The following CLYBL variants were observed in gnomAD, a reference collection of about 807,000 sequenced individuals.
CLYBL encodes the protein citramalyl-CoA lyase, mitochondrial.
CLYBL carries 31 observed loss-of-function variants against 38.9 expected under a neutral mutation model. The observed-to-expected ratio is 0.80, with a 90% confidence interval of 0.60 to 1.08. The LOEUF is 1.08. Among genes scored for constraint, CLYBL ranks in the 50% least tolerant of loss-of-function variants. The pLI, the probability that CLYBL is intolerant of heterozygous loss-of-function variation, is 0.00. For missense variants in CLYBL, 434 were observed against 411.6 expected, an observed-to-expected ratio of 1.05 and a Z score of -0.47; for synonymous variants, 171 against 158.6, an observed-to-expected ratio of 1.08 and a Z score of -0.59.
At chr13:99,770,080 C>CTTTTTTTT (rs3033589) in intron 1 of CLYBL, among the ~76,000 whole-genome samples, 3 of 103,186 alleles carry the variant, frequency 2.9e-5, no homozygotes, top group South Asian at 6.1e-4. Context: ...TCTTTTCTTT[C>CTTTTTTTT]TTTTTTTTTT....
chr13:99,713,722 T>C (rs1364709699), intron 1 of CLYBL, among the ~76,000 whole-genome samples: 4 of 145,610 alleles, frequency 2.7e-5, no homozygotes, highest in Middle Eastern at 4.2e-3. Flanking sequence ...CTTGCTCTGT[T>C]GCCCAGGCTG....
At chr13:99,812,785 A>G (rs1334143823) in intron 2 of CLYBL, among the ~76,000 whole-genome samples, 2 of 152,174 alleles carry the variant, frequency 1.3e-5, no homozygotes, top group African/African-American at 2.4e-5. Flanking sequence ...AACTACTCAG[A>G]TCCTTGGGTG....
intron 7 of CLYBL, among the ~76,000 whole-genome samples, chr13:99,890,776 T>A (rs2052469836): frequency 6.6e-6 from 1 of 152,106 alleles, no homozygotes; most frequent in Non-Finnish European, 1.5e-5. Context: ...CCGTCCCTGG[T>A]CACTCTAATC....
intron 1 of CLYBL, among the ~76,000 whole-genome samples, chr13:99,741,860 T>A (rs1255256412): frequency 6.6e-6 from 1 of 152,236 alleles, no homozygotes; most frequent in East Asian, 1.9e-4. Context: ...AGCTTTTTTT[T>A]AATGTTTAGT....
chr13:99,740,013 A>G (rs866726942), intron 1 of CLYBL, among the ~76,000 whole-genome samples: 1 of 152,208 alleles, frequency 6.6e-6, no homozygotes, highest in South Asian at 2.1e-4. Flanking sequence ...GTATTTGTAA[A>G]AACCTGAACA....
intron 7 of CLYBL, among the ~76,000 whole-genome samples, chr13:99,885,412 A>G (rs912287): frequency 0.86 from 130,784 of 152,112 alleles, 56,551 homozygotes; most frequent in African/African-American, 0.93. Context: ...GCAGGAGATG[A>G]GGCTGAGGGG....
chr13:99,866,123 G>A (rs752170924), intron 5 of CLYBL, 117 bp from the exon 6 acceptor site: 29 of 990,816 alleles, frequency 2.9e-5, no homozygotes, highest in African/African-American at 5.0e-5. Context: ...TTTATTTTGC[G>A]GAGGAGCAAT....
Position 99,881,589 on chromosome 13 carries a change from ATTTTT to A in CLYBL, c.928-9716_928-9712del, listed in dbSNP as rs1017589977. 2.9e-5 allele frequency among the ~76,000 whole-genome samples: 4 copies of A among 136,254 alleles called. No individual in the cohort carries two copies. The Admixed American group carries it at 3.0e-4, about 10-fold the overall frequency. 89.4% of individuals were successfully genotyped at this position (136,254 alleles called of 152,430 possible). On this transcript the variant is annotated intron_variant, in intron 7 of 8. Coordinates refer to ENST00000339105, the MANE Select transcript of CLYBL (RefSeq NM_206808.5). ...AGGTGCGTGTCACCACATCCAGTTA[ATTTTT>A]TTTTTTTTTTTTGGAAAAGACAGAG...
chr13:99,886,940 C>G lies in CLYBL; in HGVS notation c.928-4378C>G, dbSNP rs367720085. On this transcript the variant is annotated intron_variant, in intron 7 of 8. Transcript: ENST00000339105. ...CAGGGCCTGGCACAAGGGAGCTGCTCGGTCCATACTTGATGGATGAATGGA... is the reference window on the plus strand; with the variant it reads ...CAGGGCCTGGCACAAGGGAGCTGCTGGGTCCATACTTGATGGATGAATGGA... 1.1e-4 allele frequency among the ~76,000 whole-genome samples: 16 copies of G among 152,278 alleles called. No individual in the cohort carries two copies. In the East Asian group the frequency reaches 2.3e-3, roughly 22 times the overall value.
At chr13:99,622,317 A>G (rs1273536157) in intron 1 of CLYBL, among the ~76,000 whole-genome samples, 1 of 152,238 alleles carries the variant, frequency 6.6e-6, no homozygotes, top group East Asian at 1.9e-4. Context: ...ATTATTCTGC[A>G]TACCCATCCA....
chr13:99,789,773 G>T (rs1465309648), intron 2 of CLYBL, among the ~76,000 whole-genome samples: 1 of 152,130 alleles, frequency 6.6e-6, no homozygotes, highest in Non-Finnish European at 1.5e-5. Context: ...CTGTCTCGTT[G>T]ATCTGTCTAA....
At chr13:99,788,101 T>C (rs1229509154) in intron 2 of CLYBL, among the ~76,000 whole-genome samples, 7 of 152,068 alleles carry the variant, frequency 4.6e-5, no homozygotes, top group Non-Finnish European at 7.4e-5. Flanking sequence ...GATTTTGGGC[T>C]GAGACGATGG....
At chr13:99,771,931 G>A (rs2049403776) in intron 1 of CLYBL, among the ~76,000 whole-genome samples, 1 of 152,148 alleles carries the variant, frequency 6.6e-6, no homozygotes, top group Non-Finnish European at 1.5e-5. Context: ...TTTTATAGAT[G>A]AAGAATCCAA....
chr13:99,889,199 G>A (rs1001126561), intron 7 of CLYBL, among the ~76,000 whole-genome samples: 5 of 152,134 alleles, frequency 3.3e-5, no homozygotes, highest in Admixed American at 2.6e-4. Flanking sequence ...GATTCTCTGC[G>A]CACCGTTTTG....
intron 4 of CLYBL, 83 bp downstream of exon 4, chr13:99,863,175 C>G: frequency 1.5e-6 from 1 of 659,572 alleles, no homozygotes; most frequent in Non-Finnish European, 2.5e-6. Flanking sequence ...TTAACATCTT[C>G]TTAAAATGTG....
rs111535262 is a variant in CLYBL at position 99,842,279 on chromosome 13, A to G, written c.250-16582A>G. On this transcript the variant is annotated intron_variant, in intron 2 of 8. Coordinates refer to ENST00000339105, the MANE Select transcript of CLYBL (RefSeq NM_206808.5). Reference sequence around the variant, plus strand: ...TGGCATCTCTGTGTCTTCAAGGATAAGGATGTTCCTTTCCTTTAGGGATAG... The same window carrying G: ...TGGCATCTCTGTGTCTTCAAGGATAGGGATGTTCCTTTCCTTTAGGGATAG... Among the ~76,000 whole-genome samples, 1,377 of 152,282 alleles carry G rather than the reference A, an allele frequency of 9.0e-3. 22 individuals carry two copies. Among genetic ancestry groups the G allele is most frequent in the African/African-American group, 0.031 (1,298 of 41,556 alleles).
chr13:99,623,077 A>G (rs2046820908), intron 1 of CLYBL, among the ~76,000 whole-genome samples: 1 of 152,214 alleles, frequency 6.6e-6, no homozygotes, highest in African/African-American at 2.4e-5. Flanking sequence ...TGCTGCTATG[A>G]ACATTCATAT....
At chr13:99,696,808 CA>C (rs200890191) in intron 1 of CLYBL, among the ~76,000 whole-genome samples, 3 of 148,722 alleles carry the variant, frequency 2.0e-5, no homozygotes, top group Admixed American at 1.3e-4. Context: ...AAAACAACCA[CA>C]AAAAAAACCC....
At chr13:99,905,958 G>GA (rs1309278466) in intron 9 of CLYBL, among the ~76,000 whole-genome samples, 1 of 152,050 alleles carries the variant, frequency 6.6e-6, no homozygotes, top group African/African-American at 2.4e-5. Context: ...ATTTTTTGTA[G>GA]AAACGGGGTC....
Sources: gnomAD v4.1 joint callset for allele counts (sites outside exome capture counted in the v4.1 genomes callset) on GRCh38, gnomAD v4.1.1 for gene constraint, MANE v1.5 for transcripts, NCBI Gene and HGNC (gene_info 2026-07-23, HGNC 2026-07-21) for gene names.